Variants in ADAMTS2 observed in about 807,000 individuals in gnomAD.
ADAMTS2 encodes the protein A disintegrin and metalloproteinase with thrombospondin motifs 2.
Under a neutral mutation model 123.0 loss-of-function variants are expected in ADAMTS2, and 50 were observed. The ratio of observed to expected loss-of-function variants is 0.41; its 90% confidence interval spans 0.32 to 0.51. The LOEUF (loss-of-function observed/expected upper bound fraction) is 0.51, where lower values mean the gene tolerates loss of function less well. Among genes scored for constraint, ADAMTS2 ranks in the 20% least tolerant of loss-of-function variants. The pLI is 0.35. For missense variants in ADAMTS2, 1,494 were observed against 1,705.2 expected, an observed-to-expected ratio of 0.88 and a Z score of 2.18; for synonymous variants, 678 against 695.4, an observed-to-expected ratio of 0.98 and a Z score of 0.39.
At position 179,132,603 on chromosome 5, in the gene ADAMTS2, T is replaced by A. The variant is rs963311259; in HGVS notation, c.2209+174A>T. On this transcript the variant is annotated intron_variant, in intron 14 of 21. Coordinates refer to ENST00000251582, the MANE Select transcript of ADAMTS2 (RefSeq NM_014244.5). This position sits in a 1 kb window ranked among gnomAD's most constrained non-coding sequence, Gnocchi z 6.1. ...TTCCCCACCCACCCTGGCACCCAGC[T>A]GGGGCTGTCCCCGACTTAGGATTCT... 4.4e-5 allele frequency among the ~76,000 whole-genome samples: 6 copies of A among 135,668 alleles called. No individual in the cohort carries two copies. Among genetic ancestry groups the A allele is most frequent in the African/African-American group, 1.7e-4 (6 of 36,340 alleles). The allele number at this position is 135,668 out of a possible 152,430, so 89.0% of individuals were successfully genotyped here.
chr5:179,236,446 T>G (rs1021217927), intron 3 of ADAMTS2, among the ~76,000 whole-genome samples: 1 of 151,940 alleles, frequency 6.6e-6, no homozygotes, highest in African/African-American at 2.4e-5. Context: ...AAGCCAGAGG[T>G]GCTTAAGGTG....
intron 3 of ADAMTS2, among the ~76,000 whole-genome samples, chr5:179,239,246 T>A (rs955295955): frequency 6.6e-6 from 1 of 151,926 alleles, no homozygotes; most frequent in Non-Finnish European, 1.5e-5. Context: ...GTGGAGATGG[T>A]GAGAAGTGAT....
rs561970504 is a variant in ADAMTS2, at chr5:179,272,706, C to G, written c.688+205G>C. On this transcript the variant is annotated intron_variant, in intron 3 of 21. Coordinates refer to ENST00000251582, the MANE Select transcript of ADAMTS2 (RefSeq NM_014244.5). The surrounding 1 kb of genome is among the most constrained non-coding windows in gnomAD (Gnocchi z 5.8). The stretch of plus-strand genomic sequence containing the variant: ...GGGCTGCTTGTCACCCACATGCACC[C>G]AGAACAGAGGCCCCAGCCCCAGCAG... Among the ~76,000 whole-genome samples, 33 of 152,206 alleles carry G rather than the reference C, an allele frequency of 2.2e-4. No homozygotes were observed. Among genetic ancestry groups the G allele is most frequent in the African/African-American group, 7.7e-4 (32 of 41,462 alleles).
chr5:179,210,722 G>A (rs892841456), intron 3 of ADAMTS2, among the ~76,000 whole-genome samples: 1 of 152,232 alleles, frequency 6.6e-6, no homozygotes, highest in African/African-American at 2.4e-5. Flanking sequence ...GATCTGCAAT[G>A]CCCTCAGACC....
chr5:179,202,288 C>T lies in ADAMTS2; in HGVS notation c.891+5225G>A, dbSNP rs1313765520. ...GCCTCAGGGCCTTGGCGCCGCCTGC[C>T]CCCTCCCCCAAACCTGGAACAGGCG... On this transcript the variant is annotated intron_variant, in intron 4 of 21. Coordinates refer to ENST00000251582, the MANE Select transcript of ADAMTS2 (RefSeq NM_014244.5). The surrounding 1 kb of genome is among the most constrained non-coding windows in gnomAD (Gnocchi z 4.0). 6.6e-6 allele frequency among the ~76,000 whole-genome samples: 1 copy of T among 152,036 alleles called. No individual in the cohort carries two copies. The highest frequency in any genetic ancestry group is 1.5e-5 in the Non-Finnish European group (1 of 68,012).
chr5:179,302,335 C>T (rs1006789653), intron 2 of ADAMTS2, among the ~76,000 whole-genome samples: 22 of 126,736 alleles, frequency 1.7e-4, no homozygotes, highest in Non-Finnish European at 2.1e-4. Context: ...TGGTGGGGGG[C>T]GCCTGTAGTC....
Position 179,121,675 on chromosome 5 carries a change from CGGA to C in ADAMTS2, c.3161_3163del (p.Ile1054del), listed in dbSNP as rs1762766125. On this transcript the variant is annotated inframe_deletion, in exon 21 of 22. Transcript: ENST00000251582. ...GGGTCGGTTACTTGACGAGATCTTC[CGGA>C]TGGGCGAGTCGGGGTCCGGGCGGGA... 6.3e-7 allele frequency: 1 copy of C among 1,599,576 alleles called. No individual in the cohort carries two copies. The highest frequency in any genetic ancestry group is 8.5e-7 in the Non-Finnish European group (1 of 1,172,996).
intron 3 of ADAMTS2, among the ~76,000 whole-genome samples, chr5:179,264,540 C>G (rs929219212): frequency 1.3e-5 from 2 of 152,268 alleles, no homozygotes; most frequent in African/African-American, 2.4e-5. Flanking sequence ...CACAGCTTCA[C>G]CCCTGAGCCG....
chr5:179,205,009 T>TA (rs1218629509), intron 4 of ADAMTS2, among the ~76,000 whole-genome samples: 2 of 152,276 alleles, frequency 1.3e-5, no homozygotes, highest in African/African-American at 2.4e-5. Flanking sequence ...TCTGTTGTGA[T>TA]AAAACTCATC....
chr5:179,343,854 C>A lies in ADAMTS2; in HGVS notation c.447G>T (p.Glu149Asp). The A allele has an allele frequency of 6.2e-7, 1 of 1,600,266 alleles. No individual in the cohort carries two copies. The highest frequency in any genetic ancestry group is 8.5e-7 in the Non-Finnish European group (1 of 1,175,064). ...CGTAGAGACAGCTCCCGAGCAGGGG[C>A]TCCACGCGGGTGGTGCCCTTCTCGC... is the stretch of plus-strand genomic sequence containing the variant. ...WQGEKGTTRV[E>D]PLLGSCLYVG... The change falls in exon 2 of 22, where the codon GAG becomes GAT. Residue 149 changes from glutamate to aspartate, a missense_variant. Transcript: ENST00000251582.
rs1762648761 is a variant in ADAMTS2, at chr5:179,115,827, C to G, written c.3179-1503G>C. 6.6e-6 allele frequency among the ~76,000 whole-genome samples: 1 copy of G among 152,146 alleles called. No homozygotes were observed. The highest frequency in any genetic ancestry group is 6.5e-5 in the Admixed American group (1 of 15,276). The stretch of plus-strand genomic sequence containing the variant: ...CAAAACAGACAAGACCCCCTTCCTT[C>G]CATCGAGGGCCAGTGGTTCTGATGT... On this transcript the variant is annotated intron_variant, in intron 21 of 21. Transcript: ENST00000251582. This position sits in a 1 kb window ranked among gnomAD's most constrained non-coding sequence, Gnocchi z 4.4.
Position 179,118,993 on chromosome 5 carries a change from GCTCAGACAC to G in ADAMTS2, c.3178+2659_3178+2667del, listed in dbSNP as rs1222386755. Among the ~76,000 whole-genome samples the G allele has an allele frequency of 1.3e-5, 2 of 152,206 alleles. No individual in the cohort carries two copies. The highest frequency in any genetic ancestry group is 2.9e-5 in the Non-Finnish European group (2 of 68,036). ...TCATTTCTCAGTAAAGGAGTGGTAG[GCTCAGACAC>G]CCATGCCAACATTCAAAAGGTCATG... On this transcript the variant is annotated intron_variant, in intron 21 of 21. Coordinates refer to ENST00000251582, the MANE Select transcript of ADAMTS2 (RefSeq NM_014244.5). This position sits in a 1 kb window ranked among gnomAD's most constrained non-coding sequence, Gnocchi z 4.5.
chr5:179,343,691 G>A (rs1479593249), intron 2 of ADAMTS2, 76 bp downstream of exon 2: 14 of 1,552,114 alleles, frequency 9.0e-6, no homozygotes, highest in Non-Finnish European at 1.1e-5. Context: ...CCCTCCCAAG[G>A]GACTCCCAGG....
chr5:179,326,479 C>T (rs185905168), intron 2 of ADAMTS2, among the ~76,000 whole-genome samples: 1,805 of 50,886 alleles, frequency 0.035, 30 homozygotes, highest in Admixed American at 0.11. Context: ...CTGTGCCCCG[C>T]CCCCGGCCCC....
At chr5:179,205,176 G>C (rs1167358608) in intron 4 of ADAMTS2, among the ~76,000 whole-genome samples, 1 of 152,230 alleles carries the variant, frequency 6.6e-6, no homozygotes, top group Non-Finnish European at 1.5e-5. Flanking sequence ...TGTTGTGACA[G>C]AGAGACCCTG....
intron 2 of ADAMTS2, among the ~76,000 whole-genome samples, chr5:179,328,037 T>C (rs990766153): frequency 5.9e-5 from 9 of 152,126 alleles, no homozygotes; most frequent in Non-Finnish European, 1.3e-4. Context: ...TTTGTTTTGT[T>C]TTGTTTTTTG....
At chr5:179,218,606 C>T (rs910931833) in intron 3 of ADAMTS2, among the ~76,000 whole-genome samples, 20 of 152,348 alleles carry the variant, frequency 1.3e-4, no homozygotes, top group Admixed American at 5.2e-4. Context: ...CACAGCTCAT[C>T]CAATGCCATT....
At chr5:179,265,382 G>A (rs1222226390) in intron 3 of ADAMTS2, among the ~76,000 whole-genome samples, 2 of 152,370 alleles carry the variant, frequency 1.3e-5, no homozygotes, top group African/African-American at 4.8e-5. Context: ...TTATGTCGGA[G>A]GCACAGGGGA....
At position 179,207,733 on chromosome 5, in the gene ADAMTS2, C is replaced by T. The variant is rs202114393; in HGVS notation, c.689-18G>A. 2.3e-3 allele frequency: 3,656 copies of T among 1,606,862 alleles called. 12 individuals are homozygous for T. Among genetic ancestry groups the T allele is most frequent in the Middle Eastern group, 3.5e-3 (21 of 5,960 alleles). ...GGAGGCCCCTGCAAGGAGAGGACAC[C>T]GTCTTCAGCGGCAGGGCAAACCCAC... On this transcript the variant is annotated intron_variant, in intron 3 of 21. Coordinates refer to ENST00000251582, the MANE Select transcript of ADAMTS2 (RefSeq NM_014244.5).
Sources: gnomAD v4.1 joint callset for allele counts (sites outside exome capture counted in the v4.1 genomes callset) on GRCh38, gnomAD v4.1.1 for gene constraint, Gnocchi (gnomAD v3.1) non-coding constraint, MANE v1.5 for transcripts, NCBI Gene and HGNC (gene_info 2026-07-23, HGNC 2026-07-21) for gene names.